GSE1: variants seen among roughly 807,000 people sequenced by gnomAD.
GSE1 encodes the protein Gse1 coiled-coil protein.
GSE1 carries 32 observed loss-of-function variants against 112.6 expected under a neutral mutation model. That is an observed-to-expected ratio of 0.28 (90% CI 0.21 to 0.38). The LOEUF is 0.38. GSE1 is among the 10% of genes least tolerant of loss of function. GSE1 has a pLI of 1.00. For missense variants in GSE1, 2,348 were observed against 1,699.2 expected, an observed-to-expected ratio of 1.38 and a Z score of -6.71; for synonymous variants, 1,115 against 735.6, an observed-to-expected ratio of 1.52 and a Z score of -8.35.
At chr16:85,665,648 G>A (rs1275297923) in intron 12 of GSE1, among the ~76,000 whole-genome samples, 3 of 152,332 alleles carry the variant, frequency 2.0e-5, no homozygotes, top group East Asian at 1.9e-4. Context: ...TCTTTACAGT[G>A]CGTCCCAGTC....
chr16:85,307,026 G>T (rs2045697667), intron 1 of GSE1, among the ~76,000 whole-genome samples: 1 of 152,246 alleles, frequency 6.6e-6, no homozygotes, highest in Non-Finnish European at 1.5e-5. Context: ...CCTTGCAGGT[G>T]AGGGCAGGTT....
intron 14 of GSE1, among the ~76,000 whole-genome samples, chr16:85,670,363 G>C (rs2053231932): frequency 6.6e-6 from 1 of 152,142 alleles, no homozygotes; most frequent in Non-Finnish European, 1.5e-5. Context: ...CCCATTTCCG[G>C]AGTTTTTCAT....
intron 2 of GSE1, among the ~76,000 whole-genome samples, chr16:85,367,009 G>A (rs2047198749): frequency 6.6e-6 from 1 of 152,196 alleles, no homozygotes; most frequent in Admixed American, 6.5e-5. Context: ...ACCAGGCACA[G>A]ACCGTCTCTG....
intron 2 of GSE1, among the ~76,000 whole-genome samples, chr16:85,424,517 C>G (rs1009220942): frequency 2.0e-5 from 3 of 152,246 alleles, no homozygotes; most frequent in Admixed American, 6.5e-5. Flanking sequence ...CTAGCCCTGC[C>G]TGGCCCTGGG....
At chr16:85,435,714 A>ATTCCCTTTCCTGAAG (rs1327500247) in intron 2 of GSE1, among the ~76,000 whole-genome samples, 9 of 151,508 alleles carry the variant, frequency 5.9e-5, no homozygotes, top group African/African-American at 2.2e-4. Flanking sequence ...GGCAGCAGAA[A>ATTCCCTTTCCTGAAG]TTCCCTCTCC....
rs886104440 is a variant in GSE1 at position 85,675,976 on chromosome 16, C to T, written c.*3437C>T. On this transcript the variant is annotated 3_prime_UTR_variant, in exon 16 of 16. Coordinates refer to ENST00000253458, the MANE Select transcript of GSE1 (RefSeq NM_014615.5). Reference sequence around the variant, plus strand: ...GGTGTTATTTTGTATGTACCCTGTGCTTAATTCTATAACAGTAAACCCCAT... The same window carrying T: ...GGTGTTATTTTGTATGTACCCTGTGTTTAATTCTATAACAGTAAACCCCAT... 1.3e-5 allele frequency: 2 copies of T among 152,642 alleles called. No individual in the cohort carries two copies. The highest frequency in any genetic ancestry group is 4.8e-5 in the African/African-American group (2 of 41,460). The allele number at this position is 152,642 out of a possible 1,614,324, so 9.5% of individuals were successfully genotyped here.
rs1239972819 is a variant in GSE1, at chr16:85,419,590, A to G, written c.2464+61947A>G. On this transcript the variant is annotated intron_variant, in intron 2 of 2. Transcript: ENST00000637419. This position sits in a 1 kb window ranked among gnomAD's most constrained non-coding sequence, Gnocchi z 6.5. The stretch of plus-strand genomic sequence containing the variant: ...CACTGTACTCCAGCCTGGGCAATAG[A>G]GCAAGGCTGTGTCTCAAAAAAAAAA... Among the ~76,000 whole-genome samples, 3 of 146,130 alleles carry G rather than the reference A, an allele frequency of 2.1e-5. No individual in the cohort carries two copies. Among genetic ancestry groups the G allele is most frequent in the Non-Finnish European group, 4.5e-5 (3 of 66,938 alleles).
chr16:85,348,170 C>G (rs1170968970), intron 1 of GSE1, among the ~76,000 whole-genome samples: 2 of 152,160 alleles, frequency 1.3e-5, no homozygotes, highest in African/African-American at 2.4e-5. Flanking sequence ...CATCATCCAT[C>G]CACCCATTCA....
At chr16:85,274,474 G>A (rs550967884) in intron 1 of GSE1, among the ~76,000 whole-genome samples, 48 of 151,376 alleles carry the variant, frequency 3.2e-4, no homozygotes, top group Admixed American at 5.9e-4. Context: ...GATGGCTTTG[G>A]TGGCTCTCCT....
At chr16:85,191,740 C>T (rs890147070) in intron 1 of GSE1, among the ~76,000 whole-genome samples, 1 of 152,210 alleles carries the variant, frequency 6.6e-6, no homozygotes, top group Non-Finnish European at 1.5e-5. Context: ...ACTTATCCCT[C>T]ACCTCGAGAG....
At chr16:85,643,024 G>T (rs35385995) in intron 2 of GSE1, among the ~76,000 whole-genome samples, 15,576 of 152,160 alleles carry the variant, frequency 0.1, 1,022 homozygotes, top group Non-Finnish European at 0.14. Flanking sequence ...TTTGCCTGGC[G>T]GGGTGGGCCT....
chr16:85,417,268 G>A, intron 2 of GSE1, among the ~76,000 whole-genome samples: 1 of 152,220 alleles, frequency 6.6e-6, no homozygotes, highest in African/African-American at 2.4e-5. Context: ...CTAGATGCCA[G>A]TAGCACTCAC....
At chr16:85,618,069 T>G (rs540546278) in intron 1 of GSE1, among the ~76,000 whole-genome samples, 20 of 152,156 alleles carry the variant, frequency 1.3e-4, no homozygotes, top group Non-Finnish European at 2.5e-4. Context: ...AGAGTCCCAC[T>G]GGCATGGGTG....
chr16:85,508,891 T>C (rs574583940), intron 2 of GSE1, among the ~76,000 whole-genome samples: 1 of 152,340 alleles, frequency 6.6e-6, no homozygotes, highest in East Asian at 1.9e-4. Context: ...TGTCAGGGTC[T>C]TTCCCCCTCA....
intron 1 of GSE1, among the ~76,000 whole-genome samples, chr16:85,616,566 C>T (rs1027292296): frequency 2.0e-5 from 3 of 152,244 alleles, no homozygotes; most frequent in African/African-American, 7.2e-5. Flanking sequence ...TCCTCTGAAA[C>T]CACAGGGCTT....
At chr16:85,647,046 C>G (rs2050931454) in intron 2 of GSE1, among the ~76,000 whole-genome samples, 1 of 152,200 alleles carries the variant, frequency 6.6e-6, no homozygotes, top group Admixed American at 6.5e-5. Context: ...GAGGGGAGCC[C>G]TGGTCTGAGA....
rs116100800 is a variant in GSE1 at position 85,382,778 on chromosome 16, C to T, written c.2464+25135C>T. ...GCACACACATGTATGCACACCCATG[C>T]ATGCACACACACAACACATGCACAC... On this transcript the variant is annotated intron_variant, in intron 2 of 2. Coordinates refer to the GSE1 transcript ENST00000637419. Among the ~76,000 whole-genome samples the T allele has an allele frequency of 5.8e-3, 874 of 151,152 alleles. 7 individuals are homozygous for T. Among genetic ancestry groups the T allele is most frequent in the African/African-American group, 0.021 (846 of 40,702 alleles).
At chr16:85,519,326 A>G (rs1264642382) in intron 2 of GSE1, among the ~76,000 whole-genome samples, 16 of 134,022 alleles carry the variant, frequency 1.2e-4, no homozygotes, top group Admixed American at 1.2e-3. Flanking sequence ...CTTCACCACC[A>G]TCATCACTTT....
chr16:85,619,625 C>T (rs2048603118), intron 1 of GSE1, among the ~76,000 whole-genome samples: 1 of 152,204 alleles, frequency 6.6e-6, no homozygotes, highest in Non-Finnish European at 1.5e-5. Context: ...AAGGAGTTGT[C>T]TCTGGGATTT....
Sources: allele counts gnomAD v4.1 joint callset (sites outside exome capture counted in the v4.1 genomes callset), GRCh38; gene constraint gnomAD v4.1.1; non-coding constraint Gnocchi (gnomAD v3.1); transcripts MANE v1.5; gene names NCBI Gene and HGNC (gene_info 2026-07-23, HGNC 2026-07-21).